Variants in TMEM131 observed in about 807,000 individuals in gnomAD.
The protein encoded by TMEM131 is transmembrane protein 131.
TMEM131 carries 66 observed loss-of-function variants against 211.6 expected under a neutral mutation model. The ratio of observed to expected loss-of-function variants is 0.31; its 90% CI spans 0.26 to 0.38. The LOEUF is 0.38. Among genes scored for constraint, TMEM131 ranks in the 10% least tolerant of loss-of-function variants. The pLI, the probability that TMEM131 is intolerant of heterozygous loss-of-function variation, is 1.00. For missense variants in TMEM131, 2,036 were observed against 2,299.3 expected (o/e 0.89, Z 2.34); for synonymous variants, 844 against 841.3 (o/e 1.00, Z -0.06).
intron 1 of TMEM131, among the ~76,000 whole-genome samples, chr2:97,944,599 A>G (rs1677948338): frequency 6.6e-6 from 1 of 152,236 alleles, no homozygotes; most frequent in Admixed American, 6.5e-5. Flanking sequence ...GAATATAAAA[A>G]GAACTCTTGC....
chr2:97,881,327 C>T (rs1241800166), intron 4 of TMEM131, among the ~76,000 whole-genome samples: 1 of 151,766 alleles, frequency 6.6e-6, no homozygotes, highest in African/African-American at 2.4e-5. Context: ...CAACCTCTGC[C>T]TCCTGAATAG....
chr2:97,924,001 A>C (rs1297826684), intron 2 of TMEM131, among the ~76,000 whole-genome samples: 1 of 151,438 alleles, frequency 6.6e-6, no homozygotes, highest in Non-Finnish European at 1.5e-5. Context: ...AATGGCGTGA[A>C]CCCAGGAGGC....
intron 35 of TMEM131, 42 bp downstream of exon 35, chr2:97,766,072 T>C: frequency 6.2e-7 from 1 of 1,608,256 alleles, no homozygotes; most frequent in Non-Finnish European, 8.5e-7. Context: ...GGGTGGATTG[T>C]GGGTAAGTGG....
At chr2:97,956,261 A>G (rs1678562480) in intron 1 of TMEM131, among the ~76,000 whole-genome samples, 1 of 152,214 alleles carries the variant, frequency 6.6e-6, no homozygotes, top group Admixed American at 6.5e-5. Flanking sequence ...GAATTTTTTC[A>G]ATTTTCAATA....
At chr2:97,809,446 A>G (rs554958671) in intron 19 of TMEM131, among the ~76,000 whole-genome samples, 17 of 152,166 alleles carry the variant, frequency 1.1e-4, no homozygotes, top group Non-Finnish European at 2.1e-4. Flanking sequence ...CACTCCTCTT[A>G]GGGCAACTTC....
chr2:97,916,422 GGAAAGT>G (rs1381963557), intron 2 of TMEM131, among the ~76,000 whole-genome samples: 1 of 152,200 alleles, frequency 6.6e-6, no homozygotes, highest in African/African-American at 2.4e-5. Context: ...ATACCCTTGG[GGAAAGT>G]CTGTAAAAGC....
At chr2:97,927,405 G>C (rs375188441) in intron 2 of TMEM131, 21 bp downstream of exon 2, 4 of 1,564,736 alleles carry the variant, frequency 2.6e-6, no homozygotes, top group East Asian at 2.3e-5. Context: ...ACAATAACTT[G>C]TCTACTTAAA....
At position 97,792,834 on chromosome 2, in the gene TMEM131, C is replaced by G; in HGVS notation, c.3696G>C (p.Val1232=). 1 of 1,613,912 alleles carries G rather than the reference C, an allele frequency of 6.2e-7. No homozygotes were observed. Among genetic ancestry groups the G allele is most frequent in the Non-Finnish European group, 8.5e-7 (1 of 1,179,870 alleles). ...AACTGTTTTTGGCTCTGACGTTTTC[C>G]ACGTCAGCTGAGTTTCTATTGCTGT... The part of the protein sequence containing the change: ...SSHSNRNSAD[V]ENVRAKNSSS... The change falls in exon 31 of 41, where the codon GTG becomes GTC. Residue 1232 remains valine (V), a synonymous_variant. Coordinates refer to ENST00000186436, the MANE Select transcript of TMEM131 (RefSeq NM_015348.2).
At chr2:97,875,478 C>G (rs954030659) in intron 4 of TMEM131, among the ~76,000 whole-genome samples, 16 of 152,230 alleles carry the variant, frequency 1.1e-4, no homozygotes, top group Admixed American at 7.9e-4. Flanking sequence ...GGAAAACACT[C>G]CTCAACATAT....
intron 13 of TMEM131, among the ~76,000 whole-genome samples, chr2:97,814,811 T>C (rs188709483): frequency 3.3e-4 from 51 of 152,332 alleles, no homozygotes; most frequent in Admixed American, 2.5e-3. Flanking sequence ...CTAGAAGTGT[T>C]TATGAATTTA....
chr2:97,768,021 A>T (rs1042850407), intron 33 of TMEM131, among the ~76,000 whole-genome samples: 2 of 152,170 alleles, frequency 1.3e-5, no homozygotes, highest in Non-Finnish European at 2.9e-5. Flanking sequence ...TACATTTAAG[A>T]AGGCTATTTA....
intron 1 of TMEM131, among the ~76,000 whole-genome samples, chr2:97,987,184 T>C (rs1291666663): frequency 6.6e-6 from 1 of 152,234 alleles, no homozygotes; most frequent in Admixed American, 6.5e-5. Flanking sequence ...CAAACTGCCA[T>C]ATCACTTTGC....
At position 97,802,634 on chromosome 2, in the gene TMEM131, G is replaced by A; in HGVS notation, c.2541+18C>T. On this transcript the variant is annotated intron_variant, in intron 23 of 40. Coordinates refer to ENST00000186436, the MANE Select transcript of TMEM131 (RefSeq NM_015348.2). ...CTAGTATGTATTTCCAAAAACCAAT[G>A]TCACTTTGAATACTTACTGAGGAGC... The A allele has an allele frequency of 6.2e-7, 1 of 1,611,282 alleles. No individual in the cohort carries two copies. Among genetic ancestry groups the A allele is most frequent in the African/African-American group, 1.3e-5 (1 of 74,916 alleles).
In TMEM131 at chr2:97,944,093, A is replaced by C. The variant is rs531068335; in HGVS notation, c.188-16606T>G. ...AAGACTCAGACTAAAAATAAAAATAAATAAATAAATAAAAGATAAACCTAA... is the reference window on the plus strand; with the variant it reads ...AAGACTCAGACTAAAAATAAAAATACATAAATAAATAAAAGATAAACCTAA... On this transcript the variant is annotated intron_variant, in intron 1 of 40. Transcript: ENST00000186436. Among the ~76,000 whole-genome samples the C allele has an allele frequency of 2.0e-5, 3 of 152,284 alleles. No individual in the cohort carries two copies. The South Asian group carries it at 6.2e-4, about 32-fold the overall frequency.
intron 11 of TMEM131, among the ~76,000 whole-genome samples, chr2:97,830,838 T>A (rs939037654): frequency 6.6e-6 from 1 of 152,202 alleles, no homozygotes; most frequent in African/African-American, 2.4e-5. Flanking sequence ...TTAGTAATCC[T>A]ATATTTAGAA....
At chr2:97,793,182 C>T in intron 30 of TMEM131, 198 bp from the exon 31 acceptor site, 1 of 644,912 alleles carries the variant, frequency 1.6e-6, no homozygotes, top group Non-Finnish European at 2.6e-6. Flanking sequence ...AGTGATCTAA[C>T]TAAAAGTATT....
intron 4 of TMEM131, among the ~76,000 whole-genome samples, chr2:97,886,231 T>C (rs1675151662): frequency 6.6e-6 from 1 of 152,172 alleles, no homozygotes; most frequent in Admixed American, 6.5e-5. Context: ...TTTAAGATTA[T>C]TTTGAATTCT....
chr2:97,950,233 A>G (rs181478884), intron 1 of TMEM131, among the ~76,000 whole-genome samples: 2 of 152,344 alleles, frequency 1.3e-5, no homozygotes, highest in East Asian at 3.9e-4. Flanking sequence ...AAGTGTTCGC[A>G]AGGCTTTATA....
At chr2:97,967,285 C>G (rs1163490876) in intron 1 of TMEM131, among the ~76,000 whole-genome samples, 4 of 152,030 alleles carry the variant, frequency 2.6e-5, no homozygotes, top group African/African-American at 9.7e-5. Flanking sequence ...TTATGCCTGT[C>G]TCTAACAAAA....
Sources: gnomAD v4.1 joint callset for allele counts (sites outside exome capture counted in the v4.1 genomes callset) on GRCh38, gnomAD v4.1.1 for gene constraint, MANE v1.5 for transcripts, NCBI Gene and HGNC (gene_info 2026-07-23, HGNC 2026-07-21) for gene names.